RFX1: variants seen among roughly 807,000 people sequenced by gnomAD.
RFX1 encodes the protein regulatory factor X1.
Under a neutral mutation model 119.6 loss-of-function variants are expected in RFX1, and 42 were observed. That is an observed-to-expected ratio of 0.35 (90% CI 0.27 to 0.45). The LOEUF is 0.45. Among genes scored for constraint, RFX1 ranks in the 20% least tolerant of loss-of-function variants. The pLI, the probability that RFX1 is intolerant of heterozygous loss-of-function variation, is 1.00. For synonymous variants in RFX1, 628 were observed against 618.5 expected (o/e 1.02, Z -0.23); for missense variants, 1,118 against 1,368.1 (o/e 0.82, Z 2.88).
chr19:13,989,545 G>A (rs1377200946), intron 2 of RFX1, among the ~76,000 whole-genome samples: 1 of 150,600 alleles, frequency 6.6e-6, no homozygotes, highest in African/African-American at 2.5e-5. Context: ...TAGAGAGAGA[G>A]AGAGAGAGAC....
intron 6 of RFX1, among the ~76,000 whole-genome samples, chr19:13,979,780 T>C (rs562309347): frequency 6.3e-4 from 96 of 152,132 alleles, no homozygotes; most frequent in African/African-American, 2.2e-3. Context: ...CCGCCCCCTC[T>C]CCCTACGGGC....
chr19:13,969,732 CG>C lies in RFX1; in HGVS notation c.1496+261del. ...AAAATAAAGCAGGGTTGGGGGGTGT[CG>C]GGCAGGGGAGAGGGGGAGGCTGCAG... On this transcript the variant is annotated intron_variant, in intron 10 of 20. Transcript: ENST00000254325. The surrounding 1 kb of genome is among the most constrained non-coding windows in gnomAD (Gnocchi z 4.5). The C allele has an allele frequency of 2.4e-6, 1 of 417,626 alleles. No individual in the cohort carries two copies. 25.9% of individuals were successfully genotyped at this position (417,626 alleles called of 1,614,324 possible).
At position 13,972,856 on chromosome 19, in the gene RFX1, C is replaced by G. The variant is rs1974126027; in HGVS notation, c.1201G>C (p.Gly401Arg). The G allele has an allele frequency of 6.4e-7, 1 of 1,568,112 alleles. No individual in the cohort carries two copies. The highest frequency in any genetic ancestry group is 8.6e-7 in the Non-Finnish European group (1 of 1,160,326). ...CCGCTGCCGCCGCCTCCGGTGCTGC[C>G]ACTGCCACCCCCGCCACCGCCTCCC... Reference protein sequence around the residue: ...GGGGGGGGGSGSTGGGGSGAG... With the variant: ...GGGGGGGGGSRSTGGGGSGAG... The change falls in exon 9 of 21, where the codon GGC becomes CGC. Residue 401 changes from glycine (G) to arginine (R), a missense_variant. By Grantham distance (125) the Gly-to-Arg change is moderately radical. Transcript: ENST00000254325.
chr19:13,981,030 C>T (rs1974415097), intron 5 of RFX1, among the ~76,000 whole-genome samples: 1 of 152,148 alleles, frequency 6.6e-6, no homozygotes, highest in African/African-American at 2.4e-5. Flanking sequence ...GATATTGGGC[C>T]GACTCCCACC....
intron 12 of RFX1, among the ~76,000 whole-genome samples, chr19:13,967,161 C>T (rs1045289388): frequency 6.6e-6 from 1 of 152,128 alleles, no homozygotes; most frequent in Non-Finnish European, 1.5e-5. Context: ...GGATGCCCCT[C>T]GACTCTGCTA....
At chr19:13,997,418 C>T (rs555720491) in intron 1 of RFX1, among the ~76,000 whole-genome samples, 25 of 152,344 alleles carry the variant, frequency 1.6e-4, no homozygotes, top group African/African-American at 4.3e-4. Context: ...CCCTACCAGG[C>T]GGGGCTGCTG....
At position 13,993,849 on chromosome 19, in the gene RFX1, C is replaced by A; in HGVS notation, c.-6G>T. 4.0e-6 allele frequency: 6 copies of A among 1,492,540 alleles called. No individual in the cohort carries two copies. Among genetic ancestry groups the A allele is most frequent in the Non-Finnish European group, 4.4e-6 (5 of 1,129,250 alleles). 92.5% of individuals were successfully genotyped at this position (1,492,540 alleles called of 1,614,324 possible). ...GTATACGCCTGTGTTGCCATGCCAA[C>A]GGTGGGGAAAATGATAATAAATAAG... On this transcript the variant is annotated 5_prime_UTR_variant, in exon 2 of 21. Coordinates refer to ENST00000254325, the MANE Select transcript of RFX1 (RefSeq NM_002918.5).
At chr19:14,003,174 T>G (rs1192737271) in intron 1 of RFX1, among the ~76,000 whole-genome samples, 2 of 152,154 alleles carry the variant, frequency 1.3e-5, no homozygotes, top group East Asian at 1.9e-4. Flanking sequence ...TTAGTAGAGA[T>G]AGGGTTTCAC....
At chr19:13,983,064 G>C in intron 4 of RFX1, 123 bp downstream of exon 4, 1 of 734,854 alleles carries the variant, frequency 1.4e-6, no homozygotes, top group Non-Finnish European at 2.2e-6. Context: ...AGGAGGTAGG[G>C]CAGCCCCTGG....
Position 13,973,079 on chromosome 19 carries a change from C to T in RFX1, c.978G>A (p.Thr326=), listed in dbSNP as rs770076384. The T allele has an allele frequency of 2.2e-5, 36 of 1,601,376 alleles. No individual in the cohort carries two copies. The highest frequency in any genetic ancestry group is 5.5e-5 in the South Asian group (5 of 91,066). The change falls in exon 9 of 21, where the codon ACG becomes ACA. Residue 326 remains threonine (T), a synonymous_variant. Transcript: ENST00000254325. ...SYPETPLYTQ[T]ASTSYYEAAG... ...CGGCCTCGTAGTAGCTGGTGCTTGC[C>T]GTCTGCGTGTACAGCGGCGTCTCGG...
At chr19:13,983,374 G>A in intron 3 of RFX1, 104 bp from the exon 4 acceptor site, 2 of 1,246,368 alleles carry the variant, frequency 1.6e-6, no homozygotes, top group South Asian at 1.4e-5. Flanking sequence ...AAGAACAGGT[G>A]AGCAGATGGC....
At chr19:14,003,573 C>A (rs1479554669) in intron 1 of RFX1, among the ~76,000 whole-genome samples, 1 of 152,188 alleles carries the variant, frequency 6.6e-6, no homozygotes, top group East Asian at 1.9e-4. Context: ...ACTACATTAG[C>A]AATTACTTTG....
rs562040250 is a variant in RFX1 at position 13,986,739 on chromosome 19, ACAAGTGGGCACC to A, written c.320-3156_320-3145del. On this transcript the variant is annotated intron_variant, in intron 2 of 20. Coordinates refer to ENST00000254325, the MANE Select transcript of RFX1 (RefSeq NM_002918.5). This position sits in a 1 kb window ranked among gnomAD's most constrained non-coding sequence, Gnocchi z 4.2. Reference sequence around the variant, plus strand: ...ATCTCTGAGCAGTGGAATGACTCTGACAAGTGGGCACCCATCCTCCCCGGGCCCCGCACTTCC... The same window carrying A: ...ATCTCTGAGCAGTGGAATGACTCTGACATCCTCCCCGGGCCCCGCACTTCC... Among the ~76,000 whole-genome samples, 574 of 152,228 alleles carry A rather than the reference ACAAGTGGGCACC, an allele frequency of 3.8e-3. 5 individuals carry two copies. The highest frequency in any genetic ancestry group is 0.013 in the African/African-American group (543 of 41,544).
Position 13,966,683 on chromosome 19 carries a change from C to T in RFX1, c.1801G>A (p.Gly601Arg), listed in dbSNP as rs146658544. ...LQGKVLPEGV[G>R]PGDIKAFQVL... is the part of the protein sequence containing the mutation. ...TGGAAGGCTTTGATGTCCCCGGGCC[C>T]GACGCCCTCAGGCAGCACCTTGCCC... Residue 601 changes from glycine (G) to arginine (R), a missense_variant, in exon 13 of 21, where the codon GGG becomes AGG. Physicochemically the swap from Gly to Arg is moderately radical, Grantham distance 125. This residue lies in a region of RFX1 where 338 missense variants were observed against 508.9 expected (regional missense o/e 0.66). Transcript: ENST00000254325. The surrounding 1 kb of genome is among the most constrained non-coding windows in gnomAD (Gnocchi z 6.3). The T allele has an allele frequency of 2.3e-5, 37 of 1,611,264 alleles. No individual in the cohort carries two copies. The Admixed American group carries it at 2.7e-4, about 12-fold the overall frequency.
At chr19:13,994,920 ATATATATATATATATAT>A in intron 1 of RFX1, among the ~76,000 whole-genome samples, 1 of 98,904 alleles carries the variant, frequency 1.0e-5, no homozygotes, top group African/African-American at 3.7e-5. Context: ...ATATATATAT[ATATATATATATATATAT>A]AATCATTTTT....
chr19:13,977,338 AG>A (rs112806479), intron 8 of RFX1, among the ~76,000 whole-genome samples: 3,221 of 152,028 alleles, frequency 0.021, 111 homozygotes, highest in African/African-American at 0.073. Flanking sequence ...AGAGGGCTAG[AG>A]TTTCTGTTCT....
intron 1 of RFX1, among the ~76,000 whole-genome samples, chr19:14,002,078 G>T (rs137997658): frequency 2.0e-5 from 3 of 152,058 alleles, no homozygotes; most frequent in Admixed American, 6.6e-5. Flanking sequence ...GGAGGTTGCG[G>T]TGAGCCAAGA....
chr19:13,983,207 T>C lies in RFX1; in HGVS notation c.493A>G (p.Asn165Asp), dbSNP rs867580510. Residue 165 changes from asparagine (N) to aspartate (D), a missense_variant, in exon 4 of 21, where the codon AAC becomes GAC. Physicochemically the swap from Asn to Asp is conservative, Grantham distance 23 (BLOSUM62 1). This residue lies in a region of RFX1 where 542 missense variants were observed against 602.7 expected (regional missense o/e 0.90). Transcript: ENST00000254325. ...ATTACCTGCTGGGGCACTTGGATGT[T>C]GGTCAGCTGGAGGGGCGACACGTGG... The part of the protein sequence containing the change: ...PGHVSPLQLT[N>D]IQVPQQALPT... 14 of 1,577,976 alleles carry C rather than the reference T, an allele frequency of 8.9e-6. No homozygotes were observed. Among genetic ancestry groups the C allele is most frequent in the Non-Finnish European group, 1.2e-5 (14 of 1,165,958 alleles).
chr19:13,976,850 A>C (rs928356480), intron 8 of RFX1, among the ~76,000 whole-genome samples: 3 of 152,162 alleles, frequency 2.0e-5, no homozygotes, highest in Admixed American at 6.6e-5. Flanking sequence ...CAAAAATACA[A>C]AAATTAGCTG....
Sources: gnomAD v4.1 joint callset for allele counts (sites outside exome capture counted in the v4.1 genomes callset) on GRCh38, gnomAD v4.1.1 for gene constraint, gnomAD v4.1.1 regional missense constraint, Gnocchi (gnomAD v3.1) non-coding constraint, MANE v1.5 for transcripts, NCBI Gene and HGNC (gene_info 2026-07-23, HGNC 2026-07-21) for gene names.